SLC24A3: variants seen among roughly 807,000 people sequenced by gnomAD.
SLC24A3 encodes the protein sodium/potassium/calcium exchanger 3.
SLC24A3 carries 28 observed loss-of-function variants against 75.8 expected under a neutral mutation model. The ratio of observed to expected loss-of-function variants is 0.37; its 90% CI spans 0.27 to 0.51. The LOEUF (loss-of-function observed/expected upper bound fraction) is 0.51, where lower values mean the gene tolerates loss of function less well. SLC24A3 is among the 20% of genes least tolerant of loss of function. The pLI is 0.94. For synonymous variants in SLC24A3, 372 were observed against 334.1 expected (o/e 1.11, Z -1.24); for missense variants, 663 against 847.8 (o/e 0.78, Z 2.71).
At position 19,467,305 on chromosome 20, in the gene SLC24A3, A is replaced by G. The variant is rs185770059; in HGVS notation, c.272-48183A>G. On this transcript the variant is annotated intron_variant, in intron 2 of 16. Coordinates refer to ENST00000328041, the MANE Select transcript of SLC24A3 (RefSeq NM_020689.4). ...GTGATTGGGACAGAATCGCAGAAAG[A>G]AAAGAAGCAAGAAAAACTCCAAACG... 1.7e-4 allele frequency among the ~76,000 whole-genome samples: 26 copies of G among 152,366 alleles called. No homozygotes were observed. The East Asian group carries it at 4.6e-3, about 27-fold the overall frequency.
At chr20:19,710,221 A>T (rs2032973843) in intron 15 of SLC24A3, among the ~76,000 whole-genome samples, 1 of 152,254 alleles carries the variant, frequency 6.6e-6, no homozygotes, top group Non-Finnish European at 1.5e-5. Flanking sequence ...GCTGACCACA[A>T]ACTAGAGAGA....
chr20:19,691,557 C>T lies in SLC24A3; in HGVS notation c.1325-1702C>T, dbSNP rs550602844. 3.3e-5 allele frequency among the ~76,000 whole-genome samples: 5 copies of T among 152,268 alleles called. No homozygotes were observed. In the South Asian group the frequency reaches 8.3e-4, roughly 25 times the overall value. On this transcript the variant is annotated intron_variant, in intron 12 of 16. Transcript: ENST00000328041. The stretch of plus-strand genomic sequence containing the variant: ...CTTTCCTCTGGCTACTGGTAGCAAA[C>T]AGATGGAGGTAGGATAGGCATTGGA...
intron 2 of SLC24A3, among the ~76,000 whole-genome samples, chr20:19,510,726 A>G (rs1988523302): frequency 6.6e-6 from 1 of 152,224 alleles, no homozygotes; most frequent in Non-Finnish European, 1.5e-5. Context: ...TCAGCCAGCC[A>G]GAAGACAGCC....
At chr20:19,226,971 G>C (rs977219482) in intron 1 of SLC24A3, among the ~76,000 whole-genome samples, 1 of 152,032 alleles carries the variant, frequency 6.6e-6, no homozygotes, top group Non-Finnish European at 1.5e-5. Flanking sequence ...AATCTCTGCC[G>C]GTTTCTTTAG....
intron 3 of SLC24A3, among the ~76,000 whole-genome samples, chr20:19,528,166 C>A (rs1041783264): frequency 2.6e-5 from 4 of 152,170 alleles, no homozygotes; most frequent in African/African-American, 9.7e-5. Flanking sequence ...ATTTCTGGTG[C>A]TTCTTTGTTT....
intron 3 of SLC24A3, among the ~76,000 whole-genome samples, chr20:19,556,448 A>C (rs559046227): frequency 1.3e-5 from 2 of 152,256 alleles, no homozygotes; most frequent in East Asian, 3.9e-4. Context: ...CAGCTGAATA[A>C]TTTCACCATT....
intron 2 of SLC24A3, among the ~76,000 whole-genome samples, chr20:19,400,861 G>A (rs544121886): frequency 1.4e-4 from 21 of 152,214 alleles, no homozygotes; most frequent in African/African-American, 5.1e-4. Flanking sequence ...CTATTGTCTT[G>A]AAAACTGTTT....
chr20:19,585,461 G>T lies in SLC24A3; in HGVS notation c.529G>T (p.Asp177Tyr). ...TTCAGGGGTCTTCATCACCAAAGGC[G>T]ATGTGGGAGTTGGCACCATCGTGGG... is the stretch of plus-strand genomic sequence containing the variant. ...SVIGVFITKG[D>Y]VGVGTIVGSA... The change falls in exon 6 of 17, where the codon GAT becomes TAT. Residue 177 changes from aspartate (D) to tyrosine (Y), a missense_variant. Coordinates refer to ENST00000328041, the MANE Select transcript of SLC24A3 (RefSeq NM_020689.4). 6.2e-7 allele frequency: 1 copy of T among 1,614,164 alleles called. No homozygotes were observed. Among genetic ancestry groups the T allele is most frequent in the Non-Finnish European group, 8.5e-7 (1 of 1,180,010 alleles).
chr20:19,618,767 TA>T (rs1216371774), intron 6 of SLC24A3, among the ~76,000 whole-genome samples: 2 of 152,212 alleles, frequency 1.3e-5, no homozygotes, highest in Non-Finnish European at 2.9e-5. Context: ...AGGTATGATC[TA>T]AAACAGTGTT....
intron 6 of SLC24A3, among the ~76,000 whole-genome samples, chr20:19,592,029 C>G (rs2031385336): frequency 6.6e-6 from 1 of 152,228 alleles, no homozygotes; most frequent in African/African-American, 2.4e-5. Flanking sequence ...AAACCACCAA[C>G]AGCTTTGCAA....
At chr20:19,551,998 G>T (rs995021857) in intron 3 of SLC24A3, among the ~76,000 whole-genome samples, 1 of 152,174 alleles carries the variant, frequency 6.6e-6, no homozygotes, top group African/African-American at 2.4e-5. Flanking sequence ...CGTCGCCACT[G>T]CTTGCTCTTT....
chr20:19,562,589 G>A (rs569861849), intron 3 of SLC24A3, among the ~76,000 whole-genome samples: 4 of 152,210 alleles, frequency 2.6e-5, no homozygotes, highest in Admixed American at 6.5e-5. Context: ...TCATTGAAGC[G>A]TGAAGTTGAA....
chr20:19,432,503 A>C (rs1481040437), intron 2 of SLC24A3, among the ~76,000 whole-genome samples: 4 of 152,144 alleles, frequency 2.6e-5, no homozygotes, highest in African/African-American at 9.6e-5. Context: ...GACCCCATGG[A>C]GAATTCCAAG....
intron 3 of SLC24A3, among the ~76,000 whole-genome samples, chr20:19,520,541 C>G (rs537360808): frequency 1.8e-4 from 28 of 152,324 alleles, no homozygotes; most frequent in Admixed American, 1.1e-3. Context: ...GAAATAGGCT[C>G]TCTACGGCGC....
chr20:19,695,810 C>T (rs532915040), intron 13 of SLC24A3: 74 of 152,268 alleles, frequency 4.9e-4, no homozygotes, highest in African/African-American at 1.7e-3. Flanking sequence ...ACCCCATGTC[C>T]AAGTGTACAC....
At chr20:19,224,499 G>T (rs571128857) in intron 1 of SLC24A3, among the ~76,000 whole-genome samples, 1 of 152,228 alleles carries the variant, frequency 6.6e-6, no homozygotes, top group South Asian at 2.1e-4. Context: ...CCTGAACTAC[G>T]TGCTGGATAA....
intron 2 of SLC24A3, among the ~76,000 whole-genome samples, chr20:19,431,887 G>A (rs1987109621): frequency 6.6e-6 from 1 of 151,850 alleles, no homozygotes; most frequent in Non-Finnish European, 1.5e-5. Context: ...AGAACATTTA[G>A]CTTGAAAATA....
chr20:19,352,526 G>A (rs958750713), intron 2 of SLC24A3, among the ~76,000 whole-genome samples: 2 of 152,118 alleles, frequency 1.3e-5, no homozygotes, highest in Non-Finnish European at 2.9e-5. Flanking sequence ...CCTTAAACAC[G>A]TTATTATTTT....
intron 2 of SLC24A3, among the ~76,000 whole-genome samples, chr20:19,292,878 A>G (rs192852918): frequency 2.9e-3 from 444 of 152,336 alleles, no homozygotes; most frequent in African/African-American, 8.4e-3. Context: ...TTCCTGGTTC[A>G]TGGTTAGCGC....
Sources: allele counts gnomAD v4.1 joint callset (sites outside exome capture counted in the v4.1 genomes callset), GRCh38; gene constraint gnomAD v4.1.1; transcripts MANE v1.5; gene names NCBI Gene and HGNC (gene_info 2026-07-23, HGNC 2026-07-21).